HSD17B2: variants seen among roughly 807,000 people sequenced by gnomAD.
The protein encoded by HSD17B2 is hydroxysteroid 17-beta dehydrogenase 2.
HSD17B2 carries 32 observed loss-of-function variants against 26.9 expected under a neutral mutation model. The observed-to-expected ratio is 1.19, with a 90% confidence interval of 0.90 to 1.60. HSD17B2 has a LOEUF of 1.60. Among genes scored for constraint, HSD17B2 ranks in the 40% most tolerant of loss-of-function variants. The pLI is 0.00. For missense variants in HSD17B2, 613 were observed against 468.6 expected (o/e 1.31, Z -2.85); for synonymous variants, 246 against 186.7 (o/e 1.32, Z -2.59).
At chr16:82,043,805 G>A (rs1427822674) in intron 1 of HSD17B2, among the ~76,000 whole-genome samples, 1 of 150,298 alleles carries the variant, frequency 6.7e-6, no homozygotes, top group East Asian at 2.0e-4. Context: ...CTGGGGTTTT[G>A]AATAATCCCA....
At chr16:82,046,510 C>T (rs1913933352) in intron 1 of HSD17B2, among the ~76,000 whole-genome samples, 1 of 151,978 alleles carries the variant, frequency 6.6e-6, no homozygotes, top group South Asian at 2.1e-4. Context: ...ATCACTTGAG[C>T]CCGGGAGTTC....
intron 1 of HSD17B2, among the ~76,000 whole-genome samples, chr16:82,063,584 A>C (rs578100498): frequency 1.3e-5 from 2 of 152,206 alleles, no homozygotes; most frequent in Non-Finnish European, 2.9e-5. Context: ...GAGAGACTTT[A>C]TTCAAAAGGA....
chr16:82,049,164 G>A (rs953767629), intron 1 of HSD17B2, among the ~76,000 whole-genome samples: 1 of 152,074 alleles, frequency 6.6e-6, no homozygotes, highest in Admixed American at 6.5e-5. Flanking sequence ...TTTACTGGGA[G>A]CAATTTGGTT....
chr16:82,095,287 G>A (rs574758682), intron 4 of HSD17B2: 3 of 152,262 alleles, frequency 2.0e-5, no homozygotes, highest in African/African-American at 7.2e-5. Context: ...CTTTAAGCAC[G>A]GTGTGTGCCT....
intron 3 of HSD17B2, among the ~76,000 whole-genome samples, chr16:82,082,133 T>C (rs867697135): frequency 1.3e-5 from 2 of 152,198 alleles, no homozygotes; most frequent in Non-Finnish European, 2.9e-5. Context: ...ATTAACCCAT[T>C]AAAGTTTGGC....
chr16:82,074,431 A>T (rs1297366875), intron 3 of HSD17B2, among the ~76,000 whole-genome samples: 1 of 152,234 alleles, frequency 6.6e-6, no homozygotes, highest in Non-Finnish European at 1.5e-5. Context: ...ATCAGAAGAG[A>T]TGGGAGGCAT....
chr16:82,069,936 T>G (rs1343815538), intron 2 of HSD17B2, among the ~76,000 whole-genome samples: 2 of 152,150 alleles, frequency 1.3e-5, no homozygotes, highest in East Asian at 3.9e-4. Context: ...TAGGACGGGA[T>G]CCCAGGCATC....
chr16:82,078,947 G>C (rs920417697), intron 3 of HSD17B2, among the ~76,000 whole-genome samples: 1 of 152,158 alleles, frequency 6.6e-6, no homozygotes, highest in African/African-American at 2.4e-5. Flanking sequence ...GAATGAATAA[G>C]ATGTACTATT....
At chr16:82,049,857 T>TA (rs1443361883) in intron 1 of HSD17B2, among the ~76,000 whole-genome samples, 1 of 152,200 alleles carries the variant, frequency 6.6e-6, no homozygotes, top group East Asian at 1.9e-4. Flanking sequence ...CTCAGCCCCA[T>TA]AGTGGGGCTG....
intron 3 of HSD17B2, among the ~76,000 whole-genome samples, chr16:82,088,027 G>T (rs1326484398): frequency 6.6e-6 from 1 of 152,136 alleles, no homozygotes; most frequent in Non-Finnish European, 1.5e-5. Flanking sequence ...TCAAACCACA[G>T]CGCTTACCCA....
chr16:82,092,877 G>A (rs1198108366), intron 4 of HSD17B2: 2 of 152,150 alleles, frequency 1.3e-5, no homozygotes, highest in Non-Finnish European at 2.9e-5. Context: ...TTTGAATCTG[G>A]CAGGAGGATT....
chr16:82,073,727 T>C (rs1337431740), intron 3 of HSD17B2, among the ~76,000 whole-genome samples: 2 of 152,096 alleles, frequency 1.3e-5, no homozygotes, highest in African/African-American at 4.8e-5. Flanking sequence ...GGAAAAAATC[T>C]CATGTTCATG....
At chr16:82,063,180 G>C (rs978807189) in intron 1 of HSD17B2, 1 of 152,174 alleles carries the variant, frequency 6.6e-6, no homozygotes, top group Non-Finnish European at 1.5e-5. Flanking sequence ...GGCAGTCTGA[G>C]TCTTAACCAA....
chr16:82,062,070 G>T (rs1384462756), intron 1 of HSD17B2, among the ~76,000 whole-genome samples: 1 of 152,182 alleles, frequency 6.6e-6, no homozygotes, highest in Admixed American at 6.5e-5. Flanking sequence ...AGCTAATATG[G>T]TGCCCCCATG....
chr16:82,079,537 T>C (rs992077847), intron 3 of HSD17B2, among the ~76,000 whole-genome samples: 2 of 152,204 alleles, frequency 1.3e-5, no homozygotes, highest in African/African-American at 4.8e-5. Flanking sequence ...AGGTTCTATC[T>C]TCAAATGCAG....
intron 1 of HSD17B2, among the ~76,000 whole-genome samples, chr16:82,038,894 C>T (rs1247037115): frequency 6.6e-6 from 1 of 152,084 alleles, no homozygotes; most frequent in African/African-American, 2.4e-5. Context: ...CAATTGGAGA[C>T]TAGAGAGCTG....
At chr16:82,069,368 C>T (rs8191150) in intron 2 of HSD17B2, among the ~76,000 whole-genome samples, 72 of 152,250 alleles carry the variant, frequency 4.7e-4, no homozygotes, top group African/African-American at 1.2e-3. Context: ...AGGGCTGCAA[C>T]GAATCTATGT....
At chr16:82,051,683 C>T (rs1177437490) in intron 1 of HSD17B2, among the ~76,000 whole-genome samples, 1 of 152,116 alleles carries the variant, frequency 6.6e-6, no homozygotes, top group Non-Finnish European at 1.5e-5. Context: ...ACACATACAG[C>T]TATGTAACAA....
intron 1 of HSD17B2, among the ~76,000 whole-genome samples, chr16:82,055,805 A>C (rs568638954): frequency 5.5e-4 from 84 of 152,318 alleles, no homozygotes; most frequent in African/African-American, 1.8e-3. Flanking sequence ...CGTGGATCCA[A>C]CTAGAAAATA....
Sources: gnomAD v4.1 joint callset for allele counts (sites outside exome capture counted in the v4.1 genomes callset) on GRCh38, gnomAD v4.1.1 for gene constraint, MANE v1.5 for transcripts, NCBI Gene and HGNC (gene_info 2026-07-23, HGNC 2026-07-21) for gene names.